IGF1R: variants seen among roughly 807,000 people sequenced by gnomAD.
IGF1R encodes the protein insulin like growth factor 1 receptor.
IGF1R carries 44 observed loss-of-function variants against 144.6 expected under a neutral mutation model. The ratio of observed to expected loss-of-function variants is 0.30; its 90% CI spans 0.24 to 0.39. IGF1R has a LOEUF of 0.39. IGF1R is among the 10% of genes least tolerant of loss of function. The pLI, the probability that IGF1R is intolerant of heterozygous loss-of-function variation, is 1.00. For synonymous variants in IGF1R, 795 were observed against 722.8 expected (o/e 1.10, Z -1.60); for missense variants, 1,355 against 1,833.7 (o/e 0.74, Z 4.77).
At chr15:98,722,324 A>G (rs1485880443) in intron 2 of IGF1R, among the ~76,000 whole-genome samples, 1 of 152,186 alleles carries the variant, frequency 6.6e-6, no homozygotes. Flanking sequence ...TTTGGATTAA[A>G]AGAATATTTG....
chr15:98,753,595 C>T (rs780463037), intron 2 of IGF1R, among the ~76,000 whole-genome samples: 52 of 151,198 alleles, frequency 3.4e-4, no homozygotes, highest in Non-Finnish European at 6.5e-4. Flanking sequence ...TTTTTTTCCT[C>T]CTGAGAGTAT....
chr15:98,866,085 A>G (rs2012427400), intron 2 of IGF1R, among the ~76,000 whole-genome samples: 1 of 152,224 alleles, frequency 6.6e-6, no homozygotes, highest in Non-Finnish European at 1.5e-5. Flanking sequence ...TGTGTTTGCA[A>G]AAGAAAAATT....
intron 11 of IGF1R, among the ~76,000 whole-genome samples, chr15:98,923,089 G>A (rs973875363): frequency 2.6e-5 from 4 of 152,238 alleles, no homozygotes; most frequent in African/African-American, 9.6e-5. Flanking sequence ...CGTGCCTTGA[G>A]GCAGTCGTCA....
In IGF1R at chr15:98,670,590, C is replaced by A. The variant is rs572043187; in HGVS notation, c.94+20915C>A. ...CTGGTGTTTATGAAATAACCCTGAG[C>A]CTTTTTGGGGAGGTAGTAGTGGATG... On this transcript the variant is annotated intron_variant, in intron 1 of 20. Transcript: ENST00000650285. Among the ~76,000 whole-genome samples the A allele has an allele frequency of 4.6e-5, 7 of 152,246 alleles. No individual in the cohort carries two copies. In the East Asian group the frequency reaches 1.2e-3, roughly 25 times the overall value.
intron 2 of IGF1R, among the ~76,000 whole-genome samples, chr15:98,795,478 G>C (rs1483418559): frequency 6.6e-6 from 1 of 152,078 alleles, no homozygotes; most frequent in Non-Finnish European, 1.5e-5. Flanking sequence ...GCAGTGGCAT[G>C]ATCTCGGCTC....
chr15:98,814,729 A>C (rs1445746190), intron 2 of IGF1R, among the ~76,000 whole-genome samples: 1 of 152,194 alleles, frequency 6.6e-6, no homozygotes, highest in Non-Finnish European at 1.5e-5. Context: ...GGCCATTTGG[A>C]ATTCCATTTC....
chr15:98,689,149 A>G (rs2053409646), intron 1 of IGF1R, among the ~76,000 whole-genome samples: 1 of 150,948 alleles, frequency 6.6e-6, no homozygotes, highest in Admixed American at 6.6e-5. Flanking sequence ...CCCACTCTAG[A>G]TATCTTGCAG....
chr15:98,748,320 C>T (rs2054919917), intron 2 of IGF1R, among the ~76,000 whole-genome samples: 1 of 152,120 alleles, frequency 6.6e-6, no homozygotes. Context: ...GCATAAGCCA[C>T]CTTGCCCAGC....
chr15:98,881,554 C>T lies in IGF1R; in HGVS notation c.641-9771C>T, dbSNP rs1262500534. ...ACCAGGCTGGTCTTGAACTCTTGAC[C>T]TCAGGTGATCCACCCGTCTCGGCCT... is the stretch of plus-strand genomic sequence containing the variant. On this transcript the variant is annotated intron_variant, in intron 2 of 20. Coordinates refer to ENST00000650285, the MANE Select transcript of IGF1R (RefSeq NM_000875.5). Among the ~76,000 whole-genome samples, 3 of 152,190 alleles carry T rather than the reference C, an allele frequency of 2.0e-5. No individual in the cohort carries two copies. The East Asian group carries it at 5.8e-4, about 29-fold the overall frequency.
At chr15:98,751,862 A>G (rs563655653) in intron 2 of IGF1R, among the ~76,000 whole-genome samples, 4 of 152,306 alleles carry the variant, frequency 2.6e-5, no homozygotes. Flanking sequence ...AATTGTTTGG[A>G]TATATGCTGT....
chr15:98,649,546 T>G lies in IGF1R; in HGVS notation c.-36T>G. 1 of 683,428 alleles carries G rather than the reference T, an allele frequency of 1.5e-6. No homozygotes were observed. The highest frequency in any genetic ancestry group is 2.2e-6 in the Non-Finnish European group (1 of 444,668). The allele number at this position is 683,428 out of a possible 1,614,324, so 42.3% of individuals were successfully genotyped here. On this transcript the variant is annotated 5_prime_UTR_variant, in exon 1 of 21. Coordinates refer to ENST00000650285, the MANE Select transcript of IGF1R (RefSeq NM_000875.5). ...TTTTCTTTTTTTTTTTTTTTTTTTT[T>G]TTTGAGAAAGGGGAATTTCATCCCA...
chr15:98,662,679 A>G (rs1325759891), intron 1 of IGF1R, among the ~76,000 whole-genome samples: 1 of 151,974 alleles, frequency 6.6e-6, no homozygotes, highest in Non-Finnish European at 1.5e-5. Context: ...GACCGGAGAG[A>G]AGTATGTGGG....
chr15:98,920,150 T>C (rs1453613830), intron 10 of IGF1R, among the ~76,000 whole-genome samples: 3 of 152,150 alleles, frequency 2.0e-5, no homozygotes, highest in Admixed American at 2.0e-4. Flanking sequence ...TAGGGCTAGG[T>C]TGTATTATGG....
At chr15:98,852,304 G>A (rs1025253466) in intron 2 of IGF1R, among the ~76,000 whole-genome samples, 46 of 152,220 alleles carry the variant, frequency 3.0e-4, no homozygotes, top group Non-Finnish European at 5.7e-4. Context: ...TGGCGCGCGC[G>A]CCCCACCCCG....
At position 98,911,336 on chromosome 15, in the gene IGF1R, T is replaced by A. The variant is rs1292981171; in HGVS notation, c.1484T>A (p.Phe495Tyr). 6.2e-7 allele frequency: 1 copy of A among 1,614,048 alleles called. No individual in the cohort carries two copies. The change falls in exon 7 of 21, where the codon TTC becomes TAC. Residue 495 changes from phenylalanine (F) to tyrosine (Y), a missense_variant. By Grantham distance (22) the Phe-to-Tyr change is conservative. Around this residue, in one of 7 missense-constraint regions of IGF1R, gnomAD observed 880 missense variants for 1,202.7 expected, o/e 0.73. Transcript: ENST00000650285. The part of the protein sequence containing the change: ...RASCESDVLH[F>Y]TSTTTSKNRI... ...CCAGGTGAAAGTGACGTCCTGCATT[T>A]CACCTCCACCACCACGTCGAAGAAT...
At chr15:98,879,080 C>T (rs865986260) in intron 2 of IGF1R, among the ~76,000 whole-genome samples, 11 of 152,256 alleles carry the variant, frequency 7.2e-5, no homozygotes, top group African/African-American at 1.9e-4. Flanking sequence ...ATGATGACCT[C>T]GCCCCAGAAC....
intron 2 of IGF1R, among the ~76,000 whole-genome samples, chr15:98,860,298 C>A (rs2012077592): frequency 6.6e-6 from 1 of 152,238 alleles, no homozygotes. Flanking sequence ...AATCCAAACC[C>A]TTGTACAGAC....
rs999709187 is a variant in IGF1R, at chr15:98,774,607, T to C, written c.640+66500T>C. Among the ~76,000 whole-genome samples the C allele has an allele frequency of 2.4e-4, 36 of 149,730 alleles. 1 individual carries two copies. Among genetic ancestry groups the C allele is most frequent in the African/African-American group, 8.4e-4 (34 of 40,650 alleles). On this transcript the variant is annotated intron_variant, in intron 2 of 20. Transcript: ENST00000650285. ...AATCAGCCAGTCACAAAAGGACAAA[T>C]ACTCTATGTGATTTCATTTAGATGA...
chr15:98,702,254 A>G (rs2053754929), intron 1 of IGF1R, among the ~76,000 whole-genome samples: 1 of 152,182 alleles, frequency 6.6e-6, no homozygotes, highest in Non-Finnish European at 1.5e-5. Context: ...TTGTTAGAGC[A>G]GACATTCTGC....
Sources: gnomAD v4.1 joint callset for allele counts (sites outside exome capture counted in the v4.1 genomes callset) on GRCh38, gnomAD v4.1.1 for gene constraint, gnomAD v4.1.1 regional missense constraint, MANE v1.5 for transcripts, NCBI Gene and HGNC (gene_info 2026-07-23, HGNC 2026-07-21) for gene names.